The following TG variants were observed in gnomAD, a reference collection of about 807,000 sequenced individuals.
The protein encoded by TG is thyroid hormones.
Under a neutral mutation model 324.7 loss-of-function variants are expected in TG, and 270 were observed. That is an observed-to-expected ratio of 0.83 (90% CI 0.75 to 0.92). The LOEUF is 0.92. Among genes scored for constraint, TG ranks in the 40% least tolerant of loss-of-function variants. The pLI, the probability that TG is intolerant of heterozygous loss-of-function variation, is 0.00. For synonymous variants in TG, 1,401 were observed against 1,327.0 expected (o/e 1.06, Z -1.21); for missense variants, 3,591 against 3,456.4 (o/e 1.04, Z -0.98).
chr8:133,129,540 G>T (rs1851790682), intron 45 of TG, among the ~76,000 whole-genome samples: 1 of 152,124 alleles, frequency 6.6e-6, no homozygotes, highest in African/African-American at 2.4e-5. Flanking sequence ...TTGTCACCCA[G>T]GTTGGAGTGC....
chr8:132,943,465 C>T (rs1361802358), intron 26 of TG, among the ~76,000 whole-genome samples: 1 of 152,136 alleles, frequency 6.6e-6, no homozygotes, highest in East Asian at 1.9e-4. Context: ...TTATAAATTA[C>T]CCGGCCTCAG....
At chr8:132,872,245 G>A (rs376429298) in intron 4 of TG, among the ~76,000 whole-genome samples, 5 of 151,790 alleles carry the variant, frequency 3.3e-5, no homozygotes, top group Admixed American at 6.6e-5. Flanking sequence ...TTGGGAGGCC[G>A]AGGCGGGCGG....
chr8:133,004,228 AAG>A (rs1207151716), intron 35 of TG, among the ~76,000 whole-genome samples: 1 of 152,180 alleles, frequency 6.6e-6, no homozygotes, highest in Non-Finnish European at 1.5e-5. Context: ...TACTCACTGA[AAG>A]AGTCACCAAG....
rs1383942452 is a variant in TG, at chr8:133,070,047, AAGAAG to A, written c.7240-24995_7240-24991del. The stretch of plus-strand genomic sequence containing the variant: ...AAAAAGAAAGAAAGAAAGAAAAGAA[AAGAAG>A]AAAAGAAAGGAACTGAAGAAACAAT... On this transcript the variant is annotated intron_variant, in intron 41 of 47. Transcript: ENST00000220616. Among the ~76,000 whole-genome samples, 4 of 151,566 alleles carry A rather than the reference AAGAAG, an allele frequency of 2.6e-5. 1 individual carries two copies. The highest frequency in any genetic ancestry group is 3.4e-3 in the Middle Eastern group (1 of 294).
chr8:133,093,596 C>T (rs1847927696), intron 41 of TG, among the ~76,000 whole-genome samples: 1 of 152,182 alleles, frequency 6.6e-6, no homozygotes, highest in Non-Finnish European at 1.5e-5. Context: ...TCACAGCGGC[C>T]GTGTCCAGGA....
intron 2 of TG, 47 bp downstream of exon 2, chr8:132,868,270 A>G (rs1839156541): frequency 6.4e-7 from 1 of 1,554,644 alleles, no homozygotes; most frequent in Non-Finnish European, 8.9e-7. Flanking sequence ...AGATGCCATA[A>G]AAAGCATCTT....
chr8:132,887,257 G>A lies in TG; in HGVS notation c.1885G>A (p.Val629Ile), dbSNP rs1463637960. Residue 629 changes from valine (V) to isoleucine (I), a missense_variant, in exon 9 of 48, where the codon GTC (valine) becomes ATC (isoleucine). Physicochemically the swap from Val to Ile is conservative, Grantham distance 29. Coordinates refer to ENST00000220616, the MANE Select transcript of TG (RefSeq NM_003235.5). Reference sequence around the variant, plus strand: ...CACGACAGAAGGAAGCTATGAGGATGTCCAATGCTTTTCCGGAGAGTGCTG... The same window carrying A: ...CACGACAGAAGGAAGCTATGAGGATATCCAATGCTTTTCCGGAGAGTGCTG... ...SCTTEGSYEDVQCFSGECWCV... is the reference protein window; with the variant it reads ...SCTTEGSYEDIQCFSGECWCV... 2 of 1,603,094 alleles carry A rather than the reference G, an allele frequency of 1.2e-6. No individual in the cohort carries two copies. The highest frequency in any genetic ancestry group is 1.7e-6 in the Non-Finnish European group (2 of 1,173,678).
At chr8:132,901,658 G>A (rs1202962505) in intron 16 of TG, 105 bp downstream of exon 16, 2 of 1,255,928 alleles carry the variant, frequency 1.6e-6, no homozygotes, top group Non-Finnish European at 2.2e-6. Context: ...TGGGAGGGGA[G>A]GCAGGAAGTG....
At chr8:132,872,542 GA>G (rs1839592097) in intron 4 of TG, among the ~76,000 whole-genome samples, 2 of 149,420 alleles carry the variant, frequency 1.3e-5, no homozygotes, top group African/African-American at 2.5e-5. Context: ...TGAAGAGAGA[GA>G]AAAAAATTAT....
intron 41 of TG, among the ~76,000 whole-genome samples, chr8:133,077,499 G>A (rs915188577): frequency 1.3e-5 from 2 of 152,162 alleles, no homozygotes; most frequent in African/African-American, 4.8e-5. Context: ...AACTTAGTAG[G>A]TTTGAGAAAG....
chr8:132,872,922 C>A, intron 4 of TG, 140 bp from the exon 5 acceptor site: 1 of 927,614 alleles, frequency 1.1e-6, no homozygotes, highest in Non-Finnish European at 1.7e-6. Context: ...CTATGATGTT[C>A]ACACGACAAT....
intron 35 of TG, among the ~76,000 whole-genome samples, chr8:132,997,268 T>C (rs1832972486): frequency 6.6e-6 from 1 of 152,046 alleles, no homozygotes; most frequent in East Asian, 1.9e-4. Flanking sequence ...TGGAAGAATG[T>C]GGTTGTGGGT....
intron 23 of TG, among the ~76,000 whole-genome samples, chr8:132,933,292 T>TA: frequency 2.4e-3 from 2 of 838 alleles, no homozygotes; most frequent in Non-Finnish European, 5.1e-3. Flanking sequence ...AGGTATGTGT[T>TA]TATTTTGGTG....
intron 35 of TG, among the ~76,000 whole-genome samples, chr8:132,985,063 T>TC (rs1831355420): frequency 6.6e-6 from 1 of 152,170 alleles, no homozygotes; most frequent in Admixed American, 6.5e-5. Context: ...CATCCTGGCC[T>TC]CCGTGTTTCT....
At chr8:133,064,731 G>T (rs1842826425) in intron 41 of TG, among the ~76,000 whole-genome samples, 1 of 152,226 alleles carries the variant, frequency 6.6e-6, no homozygotes, top group South Asian at 2.1e-4. Context: ...GCAGATCTGG[G>T]TCCTTTCATT....
intron 16 of TG, among the ~76,000 whole-genome samples, chr8:132,905,735 T>G (rs1009362880): frequency 6.6e-6 from 1 of 152,128 alleles, no homozygotes; most frequent in Non-Finnish European, 1.5e-5. Flanking sequence ...TGCCACTGAT[T>G]AGAGGTTCTA....
At chr8:133,056,313 A>G (rs144257279) in intron 41 of TG, among the ~76,000 whole-genome samples, 3 of 152,364 alleles carry the variant, frequency 2.0e-5, no homozygotes, top group African/African-American at 7.2e-5. Context: ...CATCTCATGT[A>G]CCAGCAGCGA....
rs949393726 is a variant in TG at position 132,901,353 on chromosome 8, G to A, written c.3434G>A (p.Cys1145Tyr). The change falls in exon 16 of 48, where the codon TGC becomes TAC. Residue 1145 changes from cysteine to tyrosine, a missense_variant and splice_region_variant. By Grantham distance (194) the Cys-to-Tyr change is radical. Transcript: ENST00000220616. ...LRPGSSSSAQ[C>Y]PSLCNVLKSG... ...CCCATCTGGCTTGTCTCTGTGTCAG[G>A]CCCAAGCCTCTGCAATGTGCTCAAG... 2 of 1,613,994 alleles carry A rather than the reference G, an allele frequency of 1.2e-6. No homozygotes were observed. Among genetic ancestry groups the A allele is most frequent in the African/African-American group, 2.7e-5 (2 of 74,952 alleles).
chr8:133,009,419 C>T (rs1834301234), intron 35 of TG, among the ~76,000 whole-genome samples: 1 of 152,126 alleles, frequency 6.6e-6, no homozygotes, highest in African/African-American at 2.4e-5. Context: ...GGATGGCACC[C>T]ACTGCTCCAG....
Sources: gnomAD v4.1 joint callset for allele counts (sites outside exome capture counted in the v4.1 genomes callset) on GRCh38, gnomAD v4.1.1 for gene constraint, MANE v1.5 for transcripts, NCBI Gene and HGNC (gene_info 2026-07-23, HGNC 2026-07-21) for gene names.